FILIP1: variants seen among roughly 807,000 people sequenced by gnomAD.
FILIP1 encodes the protein filamin A interacting protein 1, also known as filamin-A-interacting protein 1.
Under a neutral mutation model 102.1 loss-of-function variants are expected in FILIP1, and 61 were observed. The ratio of observed to expected loss-of-function variants is 0.60; its 90% CI spans 0.49 to 0.74. The LOEUF (loss-of-function observed/expected upper bound fraction) is 0.74, where lower values mean the gene tolerates loss of function less well. FILIP1 is among the 30% of genes least tolerant of loss of function. The pLI is 0.00. For synonymous variants in FILIP1, 491 were observed against 526.9 expected (o/e 0.93, Z 0.93); for missense variants, 1,314 against 1,441.2 (o/e 0.91, Z 1.43).
chr6:75,305,735 C>A (rs1055980854), downstream of FILIP1, among the ~76,000 whole-genome samples: 1 of 152,094 alleles, frequency 6.6e-6, no homozygotes, highest in Admixed American at 6.6e-5. Context: ...CAGTGAAGAC[C>A]AGGGTCTCCT....
chr6:75,372,721 A>G (rs1194275861), intron 2 of FILIP1, among the ~76,000 whole-genome samples: 1 of 46,634 alleles, frequency 2.1e-5, no homozygotes, highest in African/African-American at 1.3e-4. Flanking sequence ...AAGGAAAGAA[A>G]GAGAAAGAGA....
chr6:75,461,659 C>T (rs2149751081), intron 1 of FILIP1, among the ~76,000 whole-genome samples: 1 of 152,278 alleles, frequency 6.6e-6, no homozygotes, highest in East Asian at 1.9e-4. Flanking sequence ...GAGGGATATA[C>T]AGCAATTATT....
At chr6:75,445,617 A>ATT (rs200129252) in intron 1 of FILIP1, among the ~76,000 whole-genome samples, 3 of 144,974 alleles carry the variant, frequency 2.1e-5, no homozygotes, top group African/African-American at 7.6e-5. Context: ...ACCACATTTA[A>ATT]TTTTTTTTTT....
rs925159071 is a variant in FILIP1, at chr6:75,427,383, T to C, written c.-6-12405A>G. 3.3e-5 allele frequency among the ~76,000 whole-genome samples: 5 copies of C among 152,206 alleles called. No individual in the cohort carries two copies. In the East Asian group the frequency reaches 5.8e-4, roughly 18 times the overall value. On this transcript the variant is annotated intron_variant, in intron 1 of 5. Transcript: ENST00000237172. ...TACAGTTTTATAAACTATAAAGTAC[T>C]ATAGGACTTTCAGGCTATGCATGCA...
At chr6:75,301,288 G>C (rs1772828785) in intron 6 of FILIP1, among the ~76,000 whole-genome samples, 1 of 152,150 alleles carries the variant, frequency 6.6e-6, no homozygotes, top group Admixed American at 6.5e-5. Flanking sequence ...GATCCAATGA[G>C]TATGAGTGTT....
In FILIP1 at chr6:75,314,817, T is replaced by A; in HGVS notation, c.1015A>T (p.Thr339Ser). ...TCTTCTAGCTCCTCGATTCTTTGGG[T>A]TAAGCCAACCAGCTTGAGTCTAAGT... ...RQLRLKLVGLTQRIEELEETN... is the reference protein window; with the variant it reads ...RQLRLKLVGLSQRIEELEETN... Residue 339 changes from threonine (T) to serine (S), a missense_variant, in exon 5 of 6, where the codon ACC becomes TCC. Thr to Ser is a moderately conservative substitution (Grantham distance 58). Around this residue, in one of 3 missense-constraint regions of FILIP1, gnomAD observed 494 missense variants for 511.2 expected, o/e 0.97. Coordinates refer to ENST00000237172, the MANE Select transcript of FILIP1 (RefSeq NM_015687.5). 1 of 1,614,070 alleles carries A rather than the reference T, an allele frequency of 6.2e-7. No individual in the cohort carries two copies. The highest frequency in any genetic ancestry group is 2.2e-5 in the East Asian group (1 of 44,888).
rs753827298 is a variant in FILIP1 at position 75,314,013 on chromosome 6, C to T, written c.1819G>A (p.Glu607Lys). 3.0e-5 allele frequency: 47 copies of T among 1,552,630 alleles called. No homozygotes were observed. The highest frequency in any genetic ancestry group is 3.3e-5 in the Non-Finnish European group (38 of 1,156,534). ...GACCTTCCTCTTGTTATTTCTCTTT[C>T]CACTTCCTCTATACCATCAAGTCTC... The part of the protein sequence containing the change: ...KKRLDGIEEV[E>K]REITRGRSRK... Residue 607 changes from glutamate to lysine, a missense_variant, in exon 5 of 6, where the codon GAA becomes AAA. By Grantham distance (56) the Glu-to-Lys change is moderately conservative. Transcript: ENST00000237172.
intron 1 of FILIP1, among the ~76,000 whole-genome samples, chr6:75,480,761 T>C (rs1186883770): frequency 6.6e-6 from 1 of 152,210 alleles, no homozygotes; most frequent in Non-Finnish European, 1.5e-5. Flanking sequence ...TACTCAGCAA[T>C]GTGGTTTGAG....
chr6:75,389,082 G>C (rs535054824), intron 2 of FILIP1, among the ~76,000 whole-genome samples: 7 of 152,084 alleles, frequency 4.6e-5, no homozygotes, highest in Non-Finnish European at 8.8e-5. Context: ...TAGCATGAAG[G>C]GCTGTTGAAA....
At chr6:75,425,762 A>T (rs1777606364) in intron 1 of FILIP1, among the ~76,000 whole-genome samples, 1 of 152,176 alleles carries the variant, frequency 6.6e-6, no homozygotes, top group African/African-American at 2.4e-5. Flanking sequence ...CCCACTGTGT[A>T]TGTATGTGAA....
At chr6:75,474,566 C>CA (rs1779420223) in intron 1 of FILIP1, among the ~76,000 whole-genome samples, 1 of 152,124 alleles carries the variant, frequency 6.6e-6, no homozygotes, top group Non-Finnish European at 1.5e-5. Context: ...GATGCTAGTT[C>CA]TTTTTTTCTT....
intron 2 of FILIP1, among the ~76,000 whole-genome samples, chr6:75,382,774 C>G (rs1345984471): frequency 6.6e-6 from 1 of 152,158 alleles, no homozygotes; most frequent in African/African-American, 2.4e-5. Context: ...TTAAATGCTA[C>G]AGGAATGCAT....
chr6:75,438,860 AG>A (rs1249702505), intron 1 of FILIP1, among the ~76,000 whole-genome samples: 2 of 151,994 alleles, frequency 1.3e-5, no homozygotes, highest in South Asian at 2.1e-4. Flanking sequence ...AGGAATTGAC[AG>A]GGTTTCCCAG....
At chr6:75,482,847 A>G (rs1278655414) in intron 1 of FILIP1, among the ~76,000 whole-genome samples, 2 of 152,216 alleles carry the variant, frequency 1.3e-5, no homozygotes, top group Non-Finnish European at 2.9e-5. Context: ...TTCTCTATTC[A>G]TGACATTTAA....
At chr6:75,438,534 G>A (rs1456542223) in intron 1 of FILIP1, among the ~76,000 whole-genome samples, 1 of 152,130 alleles carries the variant, frequency 6.6e-6, no homozygotes, top group East Asian at 1.9e-4. Context: ...ACTGCTTGAG[G>A]GCAAAAACTA....
intron 2 of FILIP1, among the ~76,000 whole-genome samples, chr6:75,374,319 C>G (rs1448934506): frequency 6.6e-6 from 1 of 152,142 alleles, no homozygotes; most frequent in East Asian, 1.9e-4. Context: ...TTAAACTGCC[C>G]ACCTGTACGC....
At chr6:75,489,883 T>C (rs1370170582) in intron 1 of FILIP1, among the ~76,000 whole-genome samples, 2 of 152,098 alleles carry the variant, frequency 1.3e-5, no homozygotes, top group East Asian at 1.9e-4. Context: ...TTCTAATAAA[T>C]TGTTACCAAT....
intron 1 of FILIP1, among the ~76,000 whole-genome samples, chr6:75,441,781 A>G (rs1298510757): frequency 7.4e-3 from 565 of 76,244 alleles, no homozygotes; most frequent in South Asian, 0.013. Flanking sequence ...CAGTAGGGGC[A>G]GCCGGGCAGA....
intron 2 of FILIP1, 36 bp from the exon 3 acceptor site, chr6:75,362,953 C>T (rs369389210): frequency 1.5e-4 from 242 of 1,597,858 alleles, no homozygotes; most frequent in Middle Eastern, 3.3e-4. Context: ...AGACGACTGA[C>T]AATGTAAATC....
Sources: allele counts gnomAD v4.1 joint callset (sites outside exome capture counted in the v4.1 genomes callset), GRCh38; gene constraint gnomAD v4.1.1; regional missense constraint gnomAD v4.1.1; transcripts MANE v1.5; gene names NCBI Gene and HGNC (gene_info 2026-07-23, HGNC 2026-07-21).